EPS15L1: variants seen among roughly 807,000 people sequenced by gnomAD.
EPS15L1 encodes epidermal growth factor receptor substrate 15-like 1.
In EPS15L1, 43 loss-of-function variants were observed where a neutral mutation model predicts 117.1. That is an observed-to-expected ratio of 0.37 (90% confidence interval 0.29 to 0.47). The LOEUF is 0.47. Among genes scored for constraint, EPS15L1 ranks in the 20% least tolerant of loss-of-function variants. The probability of loss-of-function intolerance (pLI) is 0.99; values close to 1 mark genes in which losing one functional copy is unlikely to be tolerated. For missense variants in EPS15L1, 981 were observed against 1,164.0 expected (o/e 0.84, Z 2.29); for synonymous variants, 459 against 470.5 (o/e 0.98, Z 0.32).
chr19:16,367,514 A>C (rs1008992397), intron 22 of EPS15L1, among the ~76,000 whole-genome samples: 6 of 149,130 alleles, frequency 4.0e-5, no homozygotes, highest in Non-Finnish European at 4.5e-5. Flanking sequence ...AAAAAAAAAA[A>C]AAAAAAAAAA....
chr19:16,394,683 G>T (rs2092520909), intron 17 of EPS15L1, among the ~76,000 whole-genome samples: 1 of 152,168 alleles, frequency 6.6e-6, no homozygotes, highest in African/African-American at 2.4e-5. Flanking sequence ...GGTTTATGTA[G>T]GAATCCATGG....
Position 16,393,936 on chromosome 19 carries a change from A to G in EPS15L1, c.1966+15T>C, listed in dbSNP as rs776426328. On this transcript the variant is annotated intron_variant, in intron 18 of 23. Coordinates refer to ENST00000455140, the MANE Select transcript of EPS15L1 (RefSeq NM_001258374.3). The stretch of plus-strand genomic sequence containing the variant: ...ACACAGTCTAAAGACCGGTCCGGGA[A>G]ACACTGAATTTTACCTGTTGAAGTT... 6.2e-7 allele frequency: 1 copy of G among 1,613,672 alleles called. No individual in the cohort carries two copies.
At chr19:16,426,474 A>T (rs2092873707) in intron 8 of EPS15L1, among the ~76,000 whole-genome samples, 3 of 152,164 alleles carry the variant, frequency 2.0e-5, no homozygotes, top group Non-Finnish European at 4.4e-5. Flanking sequence ...TCTCTACTAA[A>T]AATTCAAAAA....
chr19:16,428,414 GGGAAGGAAGGAA>G lies in EPS15L1; in HGVS notation c.558+276_558+287del, dbSNP rs770246482. Among the ~76,000 whole-genome samples the G allele has an allele frequency of 3.7e-4, 49 of 133,302 alleles. 2 individuals are homozygous for G. The East Asian group carries it at 7.9e-3, about 21-fold the overall frequency. The allele number at this position is 133,302 out of a possible 152,430, so 87.5% of individuals were successfully genotyped here. On this transcript the variant is annotated intron_variant, in intron 8 of 23. Coordinates refer to ENST00000455140, the MANE Select transcript of EPS15L1 (RefSeq NM_001258374.3). ...GAAAGAAAGAAAGAAAAGGGAGGGAGGGAAGGAAGGAAGGAAGGAAGGAAGGAAGGAGGGAGG... is the reference window on the plus strand; with the variant it reads ...GAAAGAAAGAAAGAAAAGGGAGGGAGGGAAGGAAGGAAGGAAGGAGGGAGG...
chr19:16,403,689 C>T (rs2092625222), intron 15 of EPS15L1, 44 bp downstream of exon 15: 9 of 1,575,314 alleles, frequency 5.7e-6, no homozygotes, highest in Middle Eastern at 1.7e-4. Flanking sequence ...TCTTGGGGCT[C>T]GCTGGTCCCT....
chr19:16,454,393 G>A (rs1175572931), intron 1 of EPS15L1, among the ~76,000 whole-genome samples: 2 of 152,184 alleles, frequency 1.3e-5, no homozygotes, highest in African/African-American at 4.8e-5. Context: ...GCGGGACAGG[G>A]CCATGCTTAC....
intron 1 of EPS15L1, among the ~76,000 whole-genome samples, chr19:16,454,133 TC>T (rs1416629045): frequency 6.6e-6 from 1 of 152,038 alleles, no homozygotes; most frequent in Admixed American, 6.6e-5. Flanking sequence ...TTCGCTGTTT[TC>T]CCCCCTTGAG....
chr19:16,470,875 G>C (rs1389079209), intron 1 of EPS15L1, among the ~76,000 whole-genome samples: 1 of 152,100 alleles, frequency 6.6e-6, no homozygotes, highest in Non-Finnish European at 1.5e-5. Flanking sequence ...TGTTCTAAGC[G>C]CTTTTTCACG....
intron 16 of EPS15L1, chr19:16,401,263 A>T: frequency 1.0e-6 from 1 of 985,522 alleles, no homozygotes; most frequent in Non-Finnish European, 1.2e-6. Context: ...CCAGCAGCCC[A>T]GGGGACGCGT....
intron 22 of EPS15L1, among the ~76,000 whole-genome samples, chr19:16,364,003 G>A (rs1055708101): frequency 4.6e-5 from 7 of 152,212 alleles, no homozygotes; most frequent in African/African-American, 1.4e-4. Context: ...CGGGGTCGCC[G>A]TTGCATCCTT....
chr19:16,464,906 C>T (rs577411255), intron 1 of EPS15L1, among the ~76,000 whole-genome samples: 15 of 152,166 alleles, frequency 9.9e-5, no homozygotes, highest in Admixed American at 3.3e-4. Context: ...AGTGAAACCC[C>T]GTCTCTACTA....
chr19:16,406,742 C>T (rs1029641431), intron 13 of EPS15L1, among the ~76,000 whole-genome samples: 1 of 152,270 alleles, frequency 6.6e-6, no homozygotes, highest in Non-Finnish European at 1.5e-5. Context: ...GTGTACATCA[C>T]ATCCTTCATG....
intron 1 of EPS15L1, among the ~76,000 whole-genome samples, chr19:16,448,164 C>A (rs2093102791): frequency 6.6e-6 from 1 of 152,154 alleles, no homozygotes; most frequent in Admixed American, 6.6e-5. Context: ...GCAAAGAGTT[C>A]TTAGACTTGA....
At position 16,365,046 on chromosome 19, in the gene EPS15L1, G is replaced by A. The variant is rs2092114617; in HGVS notation, c.2381-3062C>T. Among the ~76,000 whole-genome samples the A allele has an allele frequency of 6.6e-6, 1 of 152,200 alleles. No individual in the cohort carries two copies. On this transcript the variant is annotated intron_variant, in intron 22 of 23. Transcript: ENST00000455140. The surrounding 1 kb of genome is among the most constrained non-coding windows in gnomAD (Gnocchi z 4.9). ...AACCCAGGGCTTCTTTCCTGGCTAT[G>A]CCTTGTCCCTCTGCCTGGAAGGCAC...
intron 16 of EPS15L1, among the ~76,000 whole-genome samples, chr19:16,396,799 G>T (rs932786642): frequency 6.6e-6 from 1 of 152,196 alleles, no homozygotes; most frequent in Admixed American, 6.5e-5. Flanking sequence ...TCTGACACAT[G>T]CTCCAACATG....
At chr19:16,369,031 T>C (rs1027627726) in intron 22 of EPS15L1, among the ~76,000 whole-genome samples, 1 of 152,098 alleles carries the variant, frequency 6.6e-6, no homozygotes, top group Non-Finnish European at 1.5e-5. Flanking sequence ...AAGAAAACAG[T>C]ATAGGTTCTA....
chr19:16,385,245 G>A (rs1206029513), intron 20 of EPS15L1, 34 bp from the exon 21 acceptor site: 4 of 1,573,338 alleles, frequency 2.5e-6, no homozygotes, highest in East Asian at 2.2e-5. Flanking sequence ...AGAGTTACAG[G>A]TCTTTAAGAG....
intron 22 of EPS15L1, among the ~76,000 whole-genome samples, chr19:16,369,942 T>G (rs1055314588): frequency 6.6e-6 from 1 of 152,202 alleles, no homozygotes; most frequent in Admixed American, 6.5e-5. Context: ...CGGGGAGCCC[T>G]GACAGGGCAA....
At position 16,441,993 on chromosome 19, in the gene EPS15L1, G is replaced by A. The variant is rs1270355371; in HGVS notation, c.76-12C>T. On this transcript the variant is annotated splice_polypyrimidine_tract_variant and intron_variant, in intron 2 of 23. Transcript: ENST00000455140. ...TATGCCGGATCGACCTGAAATGGGA[G>A]ACCAAGAGGCAAAATAACTTTTCAG... The A allele has an allele frequency of 3.1e-6, 5 of 1,606,122 alleles. No individual in the cohort carries two copies. In the South Asian group the frequency reaches 5.5e-5, roughly 18 times the overall value.
Sources: allele counts gnomAD v4.1 joint callset (sites outside exome capture counted in the v4.1 genomes callset), GRCh38; gene constraint gnomAD v4.1.1; non-coding constraint Gnocchi (gnomAD v3.1); transcripts MANE v1.5; gene names NCBI Gene and HGNC (gene_info 2026-07-23, HGNC 2026-07-21).